Variants in PCDHA8 observed in about 807,000 individuals in gnomAD.
PCDHA8 encodes protocadherin alpha-8.
A neutral mutation model predicts 61.8 loss-of-function variants in PCDHA8; 53 were observed. The observed-to-expected ratio is 0.86, with a 90% CI of 0.69 to 1.08. The LOEUF (loss-of-function observed/expected upper bound fraction) is 1.08. Among genes scored for constraint, PCDHA8 ranks in the 50% least tolerant of loss-of-function variants. The pLI, the probability that PCDHA8 is intolerant of heterozygous loss-of-function variation, is 0.00. For synonymous variants in PCDHA8, 618 were observed against 556.6 expected (o/e 1.11, Z -1.55); for missense variants, 1,293 against 1,245.0 (o/e 1.04, Z -0.58).
chr5:140,917,574 A>AT (rs2078267630), intron 1 of PCDHA8, among the ~76,000 whole-genome samples: 2 of 152,154 alleles, frequency 1.3e-5, no homozygotes, highest in Non-Finnish European at 2.9e-5. Context: ...TCTCAGGCTG[A>AT]TTTTTGTTCA....
chr5:140,965,814 T>C (rs1423732818), intron 1 of PCDHA8, among the ~76,000 whole-genome samples: 1 of 152,224 alleles, frequency 6.6e-6, no homozygotes, highest in Non-Finnish European at 1.5e-5. Flanking sequence ...AAACAGAGCA[T>C]TTTAAACATT....
intron 1 of PCDHA8, chr5:140,857,339 T>A (rs2044519052): frequency 1.3e-6 from 2 of 1,597,956 alleles, no homozygotes; most frequent in Non-Finnish European, 1.7e-6. Context: ...GGACGGGGGC[T>A]CGCCTCCGCT....
chr5:140,873,181 T>C (rs2153284921), intron 1 of PCDHA8, among the ~76,000 whole-genome samples: 1 of 152,304 alleles, frequency 6.6e-6, no homozygotes, highest in African/African-American at 2.4e-5. Flanking sequence ...TGTATCATAA[T>C]ATTCATTGGC....
At chr5:140,868,823 G>T (rs576498570) in intron 1 of PCDHA8, 2 of 397,532 alleles carry the variant, frequency 5.0e-6, no homozygotes, top group East Asian at 8.3e-5. Flanking sequence ...ATATTTGGGG[G>T]AAGAAACCCA....
chr5:140,933,902 A>C (rs1285587221), intron 1 of PCDHA8, among the ~76,000 whole-genome samples: 2 of 151,892 alleles, frequency 1.3e-5, no homozygotes, highest in African/African-American at 2.4e-5. Flanking sequence ...ATATTTTGGC[A>C]TAAAGTTGTT....
At position 140,917,079 on chromosome 5, in the gene PCDHA8, A is replaced by G. The variant is rs115825402; in HGVS notation, c.2395-61870A>G. Among the ~76,000 whole-genome samples the G allele has an allele frequency of 8.0e-3, 1,217 of 152,106 alleles. 6 individuals carry two copies. The highest frequency in any genetic ancestry group is 0.019 in the African/African-American group (785 of 41,476). On this transcript the variant is annotated intron_variant, in intron 1 of 3. Coordinates refer to ENST00000531613, the MANE Select transcript of PCDHA8 (RefSeq NM_018911.3). ...GCTACGACAGCACCGAGTTTAATGT[A>G]AAGTTCCCCAGTTGCTGTGCTTTAC... is the stretch of plus-strand genomic sequence containing the variant.
At position 140,842,098 on chromosome 5, in the gene PCDHA8, A is replaced by G. The variant is rs2150329282; in HGVS notation, c.777A>G (p.Thr259=). 6.2e-7 allele frequency: 1 copy of G among 1,613,922 alleles called. No homozygotes were observed. Residue 259 remains threonine, a synonymous_variant, in exon 1 of 4, where the codon ACA becomes ACG. Coordinates refer to ENST00000531613, the MANE Select transcript of PCDHA8 (RefSeq NM_018911.3). The stretch of plus-strand genomic sequence containing the variant: ...TATTCGAAAACGCAGACAACGGAAC[A>G]ACAGTTATCAAACTGAATGCTTCTG... ...VRIFENADNG[T]TVIKLNASDP...
chr5:140,939,379 A>C (rs1554212694), intron 1 of PCDHA8, among the ~76,000 whole-genome samples: 1 of 152,170 alleles, frequency 6.6e-6, no homozygotes, highest in Non-Finnish European at 1.5e-5. Flanking sequence ...GAACACAAAC[A>C]TTCAGATCAT....
At chr5:140,851,204 A>T in intron 1 of PCDHA8, 2 of 1,181,712 alleles carry the variant, frequency 1.7e-6, no homozygotes, top group Non-Finnish European at 2.2e-6. Context: ...TTAGTCATTC[A>T]TTAAACATTA....
At chr5:140,885,280 A>G (rs2060543465) in intron 1 of PCDHA8, among the ~76,000 whole-genome samples, 2 of 152,138 alleles carry the variant, frequency 1.3e-5, no homozygotes, top group Admixed American at 6.5e-5. Context: ...ATATATATAC[A>G]TATATAGAGA....
Position 140,972,800 on chromosome 5 carries a change from A to G in PCDHA8, c.2395-6149A>G, listed in dbSNP as rs937312575. ...TGCCTCAGCCTCCTGAGTAGCTGAGATTACAGGCACGCGCCACCACGCCTG... is the reference window on the plus strand; with the variant it reads ...TGCCTCAGCCTCCTGAGTAGCTGAGGTTACAGGCACGCGCCACCACGCCTG... On this transcript the variant is annotated intron_variant, in intron 1 of 3. Transcript: ENST00000531613. Among the ~76,000 whole-genome samples, 8 of 151,520 alleles carry G rather than the reference A, an allele frequency of 5.3e-5. No individual in the cohort carries two copies. In the South Asian group the frequency reaches 6.3e-4, roughly 12 times the overall value.
At chr5:140,980,278 GA>G (rs1351425532) in intron 2 of PCDHA8, among the ~76,000 whole-genome samples, 1 of 152,166 alleles carries the variant, frequency 6.6e-6, no homozygotes, top group Non-Finnish European at 1.5e-5. Flanking sequence ...ACCAACTCTT[GA>G]AAAGTACCAA....
At chr5:140,979,054 A>G (rs782082075) in intron 2 of PCDHA8, 47 bp downstream of exon 2, 6 of 1,607,592 alleles carry the variant, frequency 3.7e-6, no homozygotes, top group Non-Finnish European at 4.3e-6. Flanking sequence ...TTAACTTGGT[A>G]TGGCTCAGAT....
intron 1 of PCDHA8, chr5:140,884,401 G>T (rs781854362): frequency 3.1e-6 from 5 of 1,613,996 alleles, no homozygotes; most frequent in Non-Finnish European, 4.2e-6. Flanking sequence ...CCAGCCTGTT[G>T]GTGCTCACGT....
intron 1 of PCDHA8, among the ~76,000 whole-genome samples, chr5:140,952,279 T>C (rs1222400527): frequency 6.7e-6 from 1 of 149,858 alleles, no homozygotes; most frequent in Non-Finnish European, 1.5e-5. Flanking sequence ...TTGAGGGTGG[T>C]GGCCCTCTTC....
At chr5:140,973,599 T>C (rs952944512) in intron 1 of PCDHA8, among the ~76,000 whole-genome samples, 7 of 152,258 alleles carry the variant, frequency 4.6e-5, no homozygotes, top group African/African-American at 1.4e-4. Flanking sequence ...GATGGAATTA[T>C]GGCTGAGCTC....
Position 140,963,857 on chromosome 5 carries a change from G to A in PCDHA8, c.2395-15092G>A, listed in dbSNP as rs181224305. The stretch of plus-strand genomic sequence containing the variant: ...TTCTCATGTAATCATAATAATAACC[G>A]TATGAGTTTTGCTTACTATTGTTTT... On this transcript the variant is annotated intron_variant, in intron 1 of 3. Transcript: ENST00000531613. Among the ~76,000 whole-genome samples the A allele has an allele frequency of 5.3e-5, 8 of 152,252 alleles. 1 individual carries two copies. The East Asian group carries it at 7.7e-4, about 15-fold the overall frequency.
intron 1 of PCDHA8, chr5:140,870,532 T>A: frequency 1.2e-6 from 2 of 1,614,184 alleles, no homozygotes; most frequent in Non-Finnish European, 1.7e-6. Flanking sequence ...CTTCACAGTG[T>A]CGGCGCGGGA....
intron 1 of PCDHA8, among the ~76,000 whole-genome samples, chr5:140,975,986 G>C (rs1554237183): frequency 6.6e-6 from 1 of 152,112 alleles, no homozygotes; most frequent in East Asian, 1.9e-4. Context: ...ATAGTCCTGG[G>C]AGGTACCATC....
Sources: allele counts gnomAD v4.1 joint callset (sites outside exome capture counted in the v4.1 genomes callset), GRCh38; gene constraint gnomAD v4.1.1; transcripts MANE v1.5; gene names NCBI Gene and HGNC (gene_info 2026-07-23, HGNC 2026-07-21).